GRM5: variants seen among roughly 807,000 people sequenced by gnomAD.
GRM5 encodes the protein glutamate metabotropic receptor 5, also known as metabotropic glutamate receptor 5.
A neutral mutation model predicts 83.1 loss-of-function variants in GRM5; 19 were observed. The observed-to-expected ratio is 0.23, with a 90% CI of 0.16 to 0.34. The LOEUF (loss-of-function observed/expected upper bound fraction) is 0.34, where lower values mean the gene tolerates loss of function less well. GRM5 is among the 10% of genes least tolerant of loss of function. The pLI, the probability that GRM5 is intolerant of heterozygous loss-of-function variation, is 1.00. For missense variants in GRM5, 1,160 were observed against 1,588.3 expected (o/e 0.73, Z 4.58); for synonymous variants, 675 against 633.6 (o/e 1.07, Z -0.98).
intron 2 of GRM5, among the ~76,000 whole-genome samples, chr11:89,009,826 G>T (rs1343745488): frequency 1.4e-5 from 2 of 146,900 alleles, no homozygotes; most frequent in African/African-American, 5.0e-5. Flanking sequence ...GCGTGAACCC[G>T]GGAGGCGGAG....
At chr11:88,613,172 G>A (rs1032838157) in intron 4 of GRM5, among the ~76,000 whole-genome samples, 29 of 152,126 alleles carry the variant, frequency 1.9e-4, no homozygotes, top group African/African-American at 7.0e-4. Context: ...TGTATATTCT[G>A]TTGTTTTTGG....
chr11:88,967,195 ATGTG>A (rs200009930), intron 2 of GRM5, among the ~76,000 whole-genome samples: 5 of 145,990 alleles, frequency 3.4e-5, no homozygotes, highest in East Asian at 2.0e-4. Context: ...AAGAAGATAT[ATGTG>A]TGTGTGTGTG....
chr11:88,956,699 G>A (rs1048179550), intron 2 of GRM5, among the ~76,000 whole-genome samples: 14 of 152,152 alleles, frequency 9.2e-5, no homozygotes, highest in Middle Eastern at 3.2e-3. Context: ...CCAGCTCCTC[G>A]AGAGGCTGAG....
chr11:88,781,899 T>C (rs1439437525), intron 3 of GRM5, among the ~76,000 whole-genome samples: 1 of 152,178 alleles, frequency 6.6e-6, no homozygotes, highest in African/African-American at 2.4e-5. Flanking sequence ...TGCATGACAG[T>C]GGGTGACTGA....
intron 7 of GRM5, among the ~76,000 whole-genome samples, chr11:88,581,639 G>A (rs1332563323): frequency 6.6e-6 from 1 of 152,102 alleles, no homozygotes; most frequent in East Asian, 1.9e-4. Context: ...AACTTATCTA[G>A]AGAAACCTAA....
intron 7 of GRM5, among the ~76,000 whole-genome samples, chr11:88,574,985 C>CTT (rs796257304): frequency 0.13 from 14,574 of 115,950 alleles, 860 homozygotes; most frequent in Non-Finnish European, 0.18. Context: ...CTTTTCTTTT[C>CTT]TTTTTTTTTT....
chr11:89,019,316 C>G (rs1350553008), intron 2 of GRM5, among the ~76,000 whole-genome samples: 1 of 152,070 alleles, frequency 6.6e-6, no homozygotes, highest in East Asian at 1.9e-4. Flanking sequence ...TTATGTTACA[C>G]TTGATCACCT....
At position 88,538,263 on chromosome 11, in the gene GRM5, T is replaced by C. The variant is rs1373883182; in HGVS notation, c.2631-12859A>G. On this transcript the variant is annotated intron_variant, in intron 8 of 9. Coordinates refer to ENST00000305447, the MANE Select transcript of GRM5 (RefSeq NM_001143831.3). ...AAAGGATGTATTTTAATCCTACTTA[T>C]GATGAGAGCTTGTTTTCAGATATGA... Among the ~76,000 whole-genome samples the C allele has an allele frequency of 2.6e-5, 4 of 152,212 alleles. No individual in the cohort carries two copies. In the East Asian group the frequency reaches 7.7e-4, roughly 29 times the overall value.
chr11:88,887,882 TC>T (rs1945072992), intron 2 of GRM5, among the ~76,000 whole-genome samples: 1 of 151,940 alleles, frequency 6.6e-6, no homozygotes, highest in African/African-American at 2.4e-5. Flanking sequence ...TGAATCCAGC[TC>T]TTTTAGCAAT....
At chr11:88,861,782 C>T (rs1231784360) in intron 2 of GRM5, among the ~76,000 whole-genome samples, 1 of 152,048 alleles carries the variant, frequency 6.6e-6, no homozygotes, top group Non-Finnish European at 1.5e-5. Context: ...CACACCTGGC[C>T]CACAGTTCTA....
chr11:88,745,699 C>T (rs1179439557), intron 3 of GRM5, among the ~76,000 whole-genome samples: 1 of 152,212 alleles, frequency 6.6e-6, no homozygotes, highest in African/African-American at 2.4e-5. Flanking sequence ...TTAATTCCAA[C>T]ACCCAGTGTG....
At position 88,739,645 on chromosome 11, in the gene GRM5, C is replaced by T. The variant is rs571285706; in HGVS notation, c.912-86242G>A. Reference sequence around the variant, plus strand: ...TCTCGTGATCACGAGTGAATTCTCACGAGACTGGATGGTTTTATAAGTGTT... The same window carrying T: ...TCTCGTGATCACGAGTGAATTCTCATGAGACTGGATGGTTTTATAAGTGTT... On this transcript the variant is annotated intron_variant, in intron 3 of 9. Transcript: ENST00000305447. Among the ~76,000 whole-genome samples the T allele has an allele frequency of 1.1e-4, 17 of 152,112 alleles. No individual in the cohort carries two copies. The East Asian group carries it at 2.3e-3, about 21-fold the overall frequency.
intron 3 of GRM5, among the ~76,000 whole-genome samples, chr11:88,717,190 TAATC>T (rs1393000347): frequency 6.6e-6 from 1 of 151,936 alleles, no homozygotes; most frequent in African/African-American, 2.4e-5. Context: ...TCATTACAGA[TAATC>T]AATATAATGG....
At chr11:88,667,225 T>G (rs1360093727) in intron 3 of GRM5, among the ~76,000 whole-genome samples, 1 of 151,980 alleles carries the variant, frequency 6.6e-6, no homozygotes, top group Non-Finnish European at 1.5e-5. Context: ...AAAACACAAT[T>G]TTTGAATATA....
intron 8 of GRM5, among the ~76,000 whole-genome samples, chr11:88,543,647 T>TC (rs1477878832): frequency 1.3e-5 from 2 of 150,144 alleles, no homozygotes; most frequent in African/African-American, 4.9e-5. Context: ...TTTTTTTTTT[T>TC]TTGAGGCCTT....
intron 2 of GRM5, among the ~76,000 whole-genome samples, chr11:88,887,924 C>T (rs1945073568): frequency 2.0e-5 from 3 of 152,068 alleles, no homozygotes; most frequent in African/African-American, 7.2e-5. Context: ...AGAATAATTC[C>T]CCAAAATGAG....
chr11:88,808,065 T>C (rs1285513464), intron 3 of GRM5, among the ~76,000 whole-genome samples: 1 of 152,048 alleles, frequency 6.6e-6, no homozygotes, highest in Admixed American at 6.5e-5. Flanking sequence ...CTGATTACTA[T>C]ATAATATCTA....
chr11:88,884,104 C>T (rs1945004389), intron 2 of GRM5, among the ~76,000 whole-genome samples: 1 of 152,070 alleles, frequency 6.6e-6, no homozygotes, highest in Non-Finnish European at 1.5e-5. Flanking sequence ...GTAGATACAC[C>T]TATAGCTTGC....
At chr11:88,955,400 T>C (rs542369892) in intron 2 of GRM5, among the ~76,000 whole-genome samples, 2 of 152,340 alleles carry the variant, frequency 1.3e-5, no homozygotes, top group South Asian at 4.1e-4. Context: ...TGCCTTACTA[T>C]AACCTCTTGA....
Sources: allele counts gnomAD v4.1 joint callset (sites outside exome capture counted in the v4.1 genomes callset), GRCh38; gene constraint gnomAD v4.1.1; transcripts MANE v1.5; gene names NCBI Gene and HGNC (gene_info 2026-07-23, HGNC 2026-07-21).